The following P4HA3 variants were observed in gnomAD, a reference collection of about 807,000 sequenced individuals.
P4HA3 encodes prolyl 4-hydroxylase subunit alpha 3.
A neutral mutation model predicts 66.7 loss-of-function variants in P4HA3; 60 were observed. The observed-to-expected ratio is 0.90, with a 90% confidence interval of 0.73 to 1.12. The LOEUF (loss-of-function observed/expected upper bound fraction) is 1.12, where lower values mean the gene tolerates loss of function less well. P4HA3 is among the 50% of genes most tolerant of loss of function. The pLI, the probability that P4HA3 is intolerant of heterozygous loss-of-function variation, is 0.00. For synonymous variants in P4HA3, 263 were observed against 274.6 expected, an observed-to-expected ratio of 0.96 and a Z score of 0.42; for missense variants, 683 against 685.8, an observed-to-expected ratio of 1.00 and a Z score of 0.05.
In P4HA3 at chr11:74,289,069, C is replaced by T. The variant is rs376483776; in HGVS notation, c.769+10G>A. On this transcript the variant is annotated intron_variant, in intron 5 of 12. Transcript: ENST00000331597. Reference sequence around the variant, plus strand: ...ACCTGTGGCTGGCTTATCTTTTATCCATTACGTACTGTAGAGAAGAAACTC... The same window carrying T: ...ACCTGTGGCTGGCTTATCTTTTATCTATTACGTACTGTAGAGAAGAAACTC... The T allele has an allele frequency of 2.1e-5, 33 of 1,537,928 alleles. No homozygotes were observed. Among genetic ancestry groups the T allele is most frequent in the Admixed American group, 2.0e-4 (10 of 50,306 alleles).
chr11:74,283,665 T>C (rs145729763), intron 7 of P4HA3, among the ~76,000 whole-genome samples: 1 of 152,342 alleles, frequency 6.6e-6, no homozygotes, highest in East Asian at 1.9e-4. Flanking sequence ...CCCCCATCCC[T>C]TGCACACTTC....
chr11:74,251,050 C>A, intron 15 of P4HA3: 1 of 1,568,994 alleles, frequency 6.4e-7, no homozygotes, highest in Non-Finnish European at 8.6e-7. Flanking sequence ...TGTAAAAGGA[C>A]AACTGTGAGA....
chr11:74,286,666 T>A (rs938667725), intron 5 of P4HA3, among the ~76,000 whole-genome samples: 2 of 152,180 alleles, frequency 1.3e-5, no homozygotes, highest in African/African-American at 4.8e-5. Context: ...GGCCAAGGGA[T>A]CATGAAGATG....
chr11:74,287,434 T>C (rs1860837745), intron 5 of P4HA3: 1 of 886,518 alleles, frequency 1.1e-6, no homozygotes. Context: ...AATCTCAACT[T>C]GCCATGTTCT....
intron 9 of P4HA3, among the ~76,000 whole-genome samples, chr11:74,274,556 G>A (rs890694490): frequency 6.6e-6 from 1 of 151,364 alleles, no homozygotes; most frequent in Non-Finnish European, 1.5e-5. Flanking sequence ...CTCGTGATCC[G>A]CCTGCCTTGG....
At chr11:74,287,115 C>T (rs1214507513) in intron 5 of P4HA3, 1 of 1,195,320 alleles carries the variant, frequency 8.4e-7, no homozygotes, top group African/African-American at 1.6e-5. Context: ...TTTGTGCCCA[C>T]CTGTTTGTAC....
At chr11:74,307,923 TTC>T (rs1307736325) in intron 1 of P4HA3, among the ~76,000 whole-genome samples, 1 of 152,098 alleles carries the variant, frequency 6.6e-6, no homozygotes, top group Non-Finnish European at 1.5e-5. Flanking sequence ...CTGCTGACAC[TTC>T]TCTCTCACTC....
chr11:74,297,287 C>T (rs1205673099), intron 4 of P4HA3, among the ~76,000 whole-genome samples: 8 of 152,166 alleles, frequency 5.3e-5, no homozygotes, highest in South Asian at 2.1e-4. Flanking sequence ...AAGATCCATT[C>T]GCCAGGAACT....
At chr11:74,276,482 T>C (rs939515614) in intron 9 of P4HA3, among the ~76,000 whole-genome samples, 3 of 151,822 alleles carry the variant, frequency 2.0e-5, no homozygotes, top group Non-Finnish European at 4.4e-5. Context: ...AGCCCAGGAG[T>C]TCAAGACTGC....
In P4HA3 at chr11:74,286,253, C is replaced by G. The variant is rs759821495; in HGVS notation, c.908G>C (p.Gly303Ala). ...PHLQTRDTYE[G>A]LCQTLGSQPT... The stretch of plus-strand genomic sequence containing the variant: ...CTGGGAACCCAGGGTCTGACATAGC[C>G]CCTCGTAGGTGTCTCTGGTCTGCAG... The change falls in exon 6 of 13, where the codon GGG becomes GCG. Residue 303 changes from glycine to alanine, a missense_variant. By Grantham distance (60) the Gly-to-Ala change is moderately conservative. Coordinates refer to ENST00000331597, the MANE Select transcript of P4HA3 (RefSeq NM_182904.5). The G allele has an allele frequency of 3.1e-6, 5 of 1,612,740 alleles. No homozygotes were observed. The East Asian group carries it at 8.9e-5, about 29-fold the overall frequency.
chr11:74,280,351 G>C (rs571084715), intron 7 of P4HA3, among the ~76,000 whole-genome samples: 4 of 151,860 alleles, frequency 2.6e-5, no homozygotes, highest in African/African-American at 9.7e-5. Flanking sequence ...GTAGATACGG[G>C]GTCTTGTTTT....
chr11:74,262,810 C>T (rs144125684), downstream of P4HA3, among the ~76,000 whole-genome samples: 2 of 152,316 alleles, frequency 1.3e-5, no homozygotes, highest in Non-Finnish European at 2.9e-5. Context: ...GCAGCCAAGG[C>T]CCCCAACAGG....
chr11:74,253,631 A>G, intron 15 of P4HA3: 1 of 1,139,480 alleles, frequency 8.8e-7, no homozygotes, highest in East Asian at 2.4e-5. Flanking sequence ...GGCTCCCGGT[A>G]GACGGGCACC....
At chr11:74,265,120 G>A (rs1389160455), downstream of P4HA3, among the ~76,000 whole-genome samples, 1 of 152,226 alleles carries the variant, frequency 6.6e-6, no homozygotes, top group Non-Finnish European at 1.5e-5. Flanking sequence ...TTAGAATGGT[G>A]CCATTGCTCT....
chr11:74,255,058 C>T (rs564124495), intron 15 of P4HA3, among the ~76,000 whole-genome samples: 2 of 152,258 alleles, frequency 1.3e-5, no homozygotes, highest in East Asian at 3.9e-4. Flanking sequence ...ACAGGTAGGC[C>T]CAGGTTCCTC....
At chr11:74,294,863 G>A (rs1591125461) in intron 4 of P4HA3, among the ~76,000 whole-genome samples, 1 of 152,188 alleles carries the variant, frequency 6.6e-6, no homozygotes, top group Admixed American at 6.5e-5. Flanking sequence ...CTACTCGGGG[G>A]TGCCTCCTAG....
At position 74,286,005 on chromosome 11, in the gene P4HA3, T is replaced by G. The variant is rs1024791738; in HGVS notation, c.934-20A>C. ...AGTGGGCTGGAAGGAAAGAATAGGA[T>G]GAGCATAAGAGAAGAAGGGTCTAGG... On this transcript the variant is annotated intron_variant, in intron 6 of 12. Transcript: ENST00000331597. 1 of 1,591,452 alleles carries G rather than the reference T, an allele frequency of 6.3e-7. No homozygotes were observed. The highest frequency in any genetic ancestry group is 1.3e-5 in the African/African-American group (1 of 74,424).
At chr11:74,274,304 G>GTTTTTTTTTT (rs558751754) in intron 9 of P4HA3, among the ~76,000 whole-genome samples, 1 of 134,872 alleles carries the variant, frequency 7.4e-6, no homozygotes, top group African/African-American at 2.7e-5. Flanking sequence ...TTTTTTTTTT[G>GTTTTTTTTTT]TTTTTTTTTT....
chr11:74,279,621 C>T (rs184697081), intron 7 of P4HA3, among the ~76,000 whole-genome samples, 169 bp from the exon 8 acceptor site: 1 of 152,244 alleles, frequency 6.6e-6, no homozygotes, highest in Admixed American at 6.5e-5. Flanking sequence ...GCTATCAATC[C>T]TGAAAATAAA....
Sources: gnomAD v4.1 joint callset for allele counts (sites outside exome capture counted in the v4.1 genomes callset) on GRCh38, gnomAD v4.1.1 for gene constraint, MANE v1.5 for transcripts, NCBI Gene and HGNC (gene_info 2026-07-23, HGNC 2026-07-21) for gene names.